Variants in CAMK1D observed in about 807,000 individuals in gnomAD.
The protein encoded by CAMK1D is calcium/calmodulin-dependent protein kinase type 1D.
CAMK1D carries 9 observed loss-of-function variants against 47.7 expected under a neutral mutation model. The ratio of observed to expected loss-of-function variants is 0.19; its 90% CI spans 0.11 to 0.33. CAMK1D has a LOEUF of 0.33. Among genes scored for constraint, CAMK1D ranks in the 10% least tolerant of loss-of-function variants. The pLI, the probability that CAMK1D is intolerant of heterozygous loss-of-function variation, is 1.00. For synonymous variants in CAMK1D, 184 were observed against 184.9 expected (o/e 0.99, Z 0.04); for missense variants, 291 against 488.7 (o/e 0.60, Z 3.81).
intron 3 of CAMK1D, among the ~76,000 whole-genome samples, chr10:12,691,909 A>C (rs566794785): frequency 3.2e-4 from 49 of 152,306 alleles, no homozygotes; most frequent in African/African-American, 1.1e-3. Context: ...TGTAAATTAC[A>C]TCCTATGGTA....
chr10:12,540,509 A>G (rs1836131771), intron 1 of CAMK1D, among the ~76,000 whole-genome samples: 1 of 152,216 alleles, frequency 6.6e-6, no homozygotes. Flanking sequence ...TTAACAGTAA[A>G]GACTTAGTGC....
chr10:12,503,919 G>T (rs1385497004), intron 1 of CAMK1D, among the ~76,000 whole-genome samples: 1 of 152,174 alleles, frequency 6.6e-6, no homozygotes. Context: ...TTTTCCTTAA[G>T]GAGACTTATT....
chr10:12,543,334 C>T (rs771077330), intron 1 of CAMK1D, among the ~76,000 whole-genome samples: 3 of 152,198 alleles, frequency 2.0e-5, no homozygotes, highest in Non-Finnish European at 4.4e-5. Flanking sequence ...CAGGTGTTAG[C>T]CACCACGCCT....
intron 2 of CAMK1D, among the ~76,000 whole-genome samples, chr10:12,584,104 C>A (rs1280985931): frequency 3.3e-5 from 5 of 152,158 alleles, no homozygotes; most frequent in African/African-American, 1.2e-4. Context: ...ACTTGATTAT[C>A]CCAGGTTCTG....
intron 3 of CAMK1D, among the ~76,000 whole-genome samples, chr10:12,716,767 C>G (rs1053801952): frequency 3.9e-5 from 6 of 152,086 alleles, no homozygotes; most frequent in Non-Finnish European, 8.8e-5. Context: ...TGGAATTGAA[C>G]TGGTATCTTG....
chr10:12,694,920 G>T (rs1490647705), intron 3 of CAMK1D, among the ~76,000 whole-genome samples: 1 of 152,050 alleles, frequency 6.6e-6, no homozygotes, highest in African/African-American at 2.4e-5. Context: ...TGTCATGGAT[G>T]TGTAAGTGTA....
At chr10:12,589,475 C>A (rs893396508) in intron 2 of CAMK1D, among the ~76,000 whole-genome samples, 4 of 152,152 alleles carry the variant, frequency 2.6e-5, no homozygotes, top group Non-Finnish European at 5.9e-5. Context: ...GCTTGCTTTG[C>A]CTTTTGTGAT....
At chr10:12,788,797 G>A (rs918814103) in intron 5 of CAMK1D, among the ~76,000 whole-genome samples, 5 of 152,224 alleles carry the variant, frequency 3.3e-5, no homozygotes, top group East Asian at 1.9e-4. Flanking sequence ...AGCCAAGGGC[G>A]GCCCCTCCCA....
At chr10:12,820,481 G>A (rs1041071373) in intron 8 of CAMK1D, among the ~76,000 whole-genome samples, 4 of 152,232 alleles carry the variant, frequency 2.6e-5, no homozygotes, top group Non-Finnish European at 5.9e-5. Context: ...ACAGATTCAG[G>A]TGAGAGCTGG....
chr10:12,799,069 G>C (rs902495130), intron 6 of CAMK1D, among the ~76,000 whole-genome samples: 1 of 152,220 alleles, frequency 6.6e-6, no homozygotes, highest in Admixed American at 6.5e-5. Flanking sequence ...GCCAGGAGGG[G>C]AGGGATTCCA....
chr10:12,677,154 GT>G (rs1840836547), intron 3 of CAMK1D, among the ~76,000 whole-genome samples: 1 of 152,132 alleles, frequency 6.6e-6, no homozygotes, highest in Non-Finnish European at 1.5e-5. Context: ...ACAGTTCCCT[GT>G]TTGTGGGGGT....
At chr10:12,827,253 TTTC>T (rs1397684852) in intron 10 of CAMK1D, among the ~76,000 whole-genome samples, 10 of 130,710 alleles carry the variant, frequency 7.7e-5, no homozygotes, top group Admixed American at 6.1e-4. Flanking sequence ...CCCTTCTTTC[TTTC>T]TTTTTCTTTC....
chr10:12,742,562 G>GCA lies in CAMK1D; in HGVS notation c.300-18378_300-18377dup, dbSNP rs550707368. On this transcript the variant is annotated intron_variant, in intron 3 of 10. Transcript: ENST00000619168. Reference sequence around the variant, plus strand: ...TCAGAACGTTTTCATCACCCTAATGGCACACACACCCTCTTTTTAAAATTA... The same window carrying GCA: ...TCAGAACGTTTTCATCACCCTAATGGCACACACACACCCTCTTTTTAAAATTA... Among the ~76,000 whole-genome samples the GCA allele has an allele frequency of 4.1e-3, 627 of 152,238 alleles. 8 individuals are homozygous for GCA. Among genetic ancestry groups the GCA allele is most frequent in the African/African-American group, 0.014 (583 of 41,534 alleles).
At chr10:12,803,637 A>T (rs1213073937) in intron 6 of CAMK1D, among the ~76,000 whole-genome samples, 1 of 152,162 alleles carries the variant, frequency 6.6e-6, no homozygotes, top group Admixed American at 6.5e-5. Context: ...CCTGGGTAAC[A>T]GAGGGAGACT....
chr10:12,626,631 A>C (rs916978635), intron 2 of CAMK1D, among the ~76,000 whole-genome samples: 20 of 151,862 alleles, frequency 1.3e-4, no homozygotes, highest in African/African-American at 4.8e-4. Flanking sequence ...ATGCCACAAC[A>C]TCTGGCTAAT....
Position 12,661,529 on chromosome 10 carries a change from T to G in CAMK1D, c.225-5207T>G, listed in dbSNP as rs187782709. On this transcript the variant is annotated intron_variant, in intron 2 of 10. Transcript: ENST00000619168. ...TGTTGTTAATGGTAAATGAAATAATTAAAAATACTTAGTGCAGTCTTAACA... is the reference window on the plus strand; with the variant it reads ...TGTTGTTAATGGTAAATGAAATAATGAAAAATACTTAGTGCAGTCTTAACA... Among the ~76,000 whole-genome samples, 19 of 152,304 alleles carry G rather than the reference T, an allele frequency of 1.2e-4. No homozygotes were observed. In the East Asian group the frequency reaches 3.5e-3, roughly 28 times the overall value.
intron 3 of CAMK1D, among the ~76,000 whole-genome samples, chr10:12,745,264 T>C (rs1284289599): frequency 6.6e-6 from 1 of 152,160 alleles, no homozygotes; most frequent in Non-Finnish European, 1.5e-5. Flanking sequence ...TTTCCTGATC[T>C]CGTGATCCGC....
intron 4 of CAMK1D, among the ~76,000 whole-genome samples, chr10:12,768,848 C>T (rs1048918502): frequency 2.0e-5 from 3 of 152,196 alleles, no homozygotes; most frequent in Non-Finnish European, 4.4e-5. Flanking sequence ...CCCAATTCTA[C>T]ATAAAACACG....
At chr10:12,361,152 TG>T (rs1304143167) in intron 1 of CAMK1D, among the ~76,000 whole-genome samples, 1 of 152,136 alleles carries the variant, frequency 6.6e-6, no homozygotes, top group East Asian at 1.9e-4. Context: ...AAATGGAGTT[TG>T]GGGCCCTAGT....
Sources: allele counts gnomAD v4.1 joint callset (sites outside exome capture counted in the v4.1 genomes callset), GRCh38; gene constraint gnomAD v4.1.1; transcripts MANE v1.5; gene names NCBI Gene and HGNC (gene_info 2026-07-23, HGNC 2026-07-21).